The following AZGP1 variants were observed in gnomAD, a reference collection of about 807,000 sequenced individuals.
AZGP1 encodes zinc-alpha-2-glycoprotein.
In AZGP1, 28 loss-of-function variants were observed where a neutral mutation model predicts 31.5. That is an observed-to-expected ratio of 0.89 (90% CI 0.66 to 1.22). The LOEUF is 1.22. Among genes scored for constraint, AZGP1 ranks in the 50% most tolerant of loss-of-function variants. The pLI is 0.00. For synonymous variants in AZGP1, 135 were observed against 145.4 expected (o/e 0.93, Z 0.51); for missense variants, 361 against 371.8 (o/e 0.97, Z 0.24).
chr7:99,969,306 G>A (rs749536839), intron 2 of AZGP1, among the ~76,000 whole-genome samples: 3 of 152,070 alleles, frequency 2.0e-5, no homozygotes, highest in Admixed American at 6.6e-5. Context: ...CTACTCATGA[G>A]GCTGAGGCAG....
At chr7:99,971,460 T>A in intron 2 of AZGP1, 1 of 363,766 alleles carries the variant, frequency 2.7e-6, no homozygotes, top group Non-Finnish European at 5.0e-6. Context: ...CTCCGATGGG[T>A]GGGGTGTGGA....
chr7:99,967,109 G>C lies in AZGP1; in HGVS notation c.791C>G (p.Ser264Cys). The change falls in exon 4 of 4, where the codon TCC (serine) becomes TGC (cysteine). Residue 264 changes from serine (S) to cysteine (C), a missense_variant. Physicochemically the swap from Ser to Cys is moderately radical, Grantham distance 112. Coordinates refer to ENST00000292401, the MANE Select transcript of AZGP1 (RefSeq NM_001185.4). ...CGGGGGCACTGCCACCACCACCCAG[G>C]ACTGGTAAGTGCCATTTCCATTGTG... ...VLHNGNGTYQ[S>C]WVVVAVPPQD... 6.2e-7 allele frequency: 1 copy of C among 1,614,164 alleles called. No individual in the cohort carries two copies. The highest frequency in any genetic ancestry group is 8.5e-7 in the Non-Finnish European group (1 of 1,180,030).
At chr7:99,973,961 G>A (rs1011511125) in intron 1 of AZGP1, among the ~76,000 whole-genome samples, 1 of 135,580 alleles carries the variant, frequency 7.4e-6, no homozygotes, top group African/African-American at 2.8e-5. Context: ...AGCACAACAG[G>A]GTGACTATAG....
chr7:99,971,542 T>A (rs1183626903), intron 2 of AZGP1: 3 of 617,566 alleles, frequency 4.9e-6, no homozygotes. Context: ...AGGCCTGGGA[T>A]GAGGATGGGG....
chr7:99,972,871 A>G (rs1054675631), intron 1 of AZGP1, among the ~76,000 whole-genome samples: 2 of 152,160 alleles, frequency 1.3e-5, no homozygotes, highest in Non-Finnish European at 2.9e-5. Flanking sequence ...TAATCCCAGC[A>G]CTTTAGGGGG....
At chr7:99,970,207 T>C (rs1312288303) in intron 2 of AZGP1, among the ~76,000 whole-genome samples, 1 of 151,720 alleles carries the variant, frequency 6.6e-6, no homozygotes, top group Non-Finnish European at 1.5e-5. Flanking sequence ...AAGTAAGTGC[T>C]CAGTAAATGT....
At chr7:99,967,356 C>A in intron 3 of AZGP1, 70 bp from the exon 4 acceptor site, 1 of 1,517,270 alleles carries the variant, frequency 6.6e-7, no homozygotes, top group Non-Finnish European at 9.0e-7. Flanking sequence ...TCTTCCTACC[C>A]CCACCCCTGG....
intron 3 of AZGP1, 133 bp from the exon 4 acceptor site, chr7:99,967,419 G>A (rs976304792): frequency 1.2e-5 from 12 of 1,034,988 alleles, no homozygotes; most frequent in Admixed American, 8.6e-5. Context: ...CCCCAGCCCC[G>A]GGAGACTTTC....
intron 1 of AZGP1, among the ~76,000 whole-genome samples, chr7:99,972,545 G>A (rs1013002767): frequency 2.0e-5 from 3 of 152,212 alleles, no homozygotes; most frequent in Admixed American, 6.5e-5. Flanking sequence ...GGGCTCCGTG[G>A]CTCATGCCTG....
At chr7:99,967,518 C>T in intron 3 of AZGP1, 1 of 581,768 alleles carries the variant, frequency 1.7e-6, no homozygotes, top group Admixed American at 3.0e-5. Flanking sequence ...GTTGTGAATG[C>T]TCCGTGTGCT....
At position 99,968,303 on chromosome 7, in the gene AZGP1, G is replaced by C; in HGVS notation, c.465C>G (p.Val155=). ...IEFNKEIPAW[V]PFDPAAQITK... ...TTATCTGGGCTGCTGGGTCGAAGGG[G>C]ACCCAGGCTGGGATTTCTTTGTTGA... is the stretch of plus-strand genomic sequence containing the variant. Residue 155 remains valine, a synonymous_variant, in exon 3 of 4, where the codon GTC becomes GTG. Coordinates refer to ENST00000292401, the MANE Select transcript of AZGP1 (RefSeq NM_001185.4). The C allele has an allele frequency of 6.2e-7, 1 of 1,613,712 alleles. No homozygotes were observed. Among genetic ancestry groups the C allele is most frequent in the South Asian group, 1.1e-5 (1 of 91,040 alleles).
chr7:99,966,764 C>T lies in AZGP1; in HGVS notation c.*239G>A, dbSNP rs1207811559. 3.4e-6 allele frequency: 2 copies of T among 585,136 alleles called. No individual in the cohort carries two copies. The highest frequency in any genetic ancestry group is 5.7e-5 in the East Asian group (2 of 35,076). The allele number at this position is 585,136 out of a possible 1,614,324, so 36.2% of individuals were successfully genotyped here. A position where few individuals can be genotyped will look rare whatever the true frequency, so the allele number is the denominator to read the frequency against. On this transcript the variant is annotated 3_prime_UTR_variant, in exon 4 of 4. Transcript: ENST00000292401. ...AGGAGGGATGATTATTTATTAGCTT[C>T]TACAGATTAGACAATGGGGTGGGGG...
chr7:99,975,500 G>A (rs1789646553), intron 1 of AZGP1, among the ~76,000 whole-genome samples: 2 of 152,194 alleles, frequency 1.3e-5, no homozygotes, highest in South Asian at 2.1e-4. Context: ...TTGGGCACGG[G>A]TTTCCTTCTA....
intron 1 of AZGP1, among the ~76,000 whole-genome samples, chr7:99,973,869 T>C (rs576938503): frequency 6.7e-6 from 1 of 150,314 alleles, no homozygotes; most frequent in Admixed American, 6.7e-5. Context: ...TGAGCCAAGA[T>C]TGCACCACTG....
At chr7:99,974,855 G>A (rs1280111372) in intron 1 of AZGP1, among the ~76,000 whole-genome samples, 2 of 152,018 alleles carry the variant, frequency 1.3e-5, no homozygotes, top group African/African-American at 4.8e-5. Context: ...CTCCATAGTG[G>A]TGGGCTTCAT....
At chr7:99,968,539 C>G in intron 2 of AZGP1, 109 bp from the exon 3 acceptor site, 1 of 1,367,384 alleles carries the variant, frequency 7.3e-7, no homozygotes, top group East Asian at 2.3e-5. Context: ...AAGGTTTTTG[C>G]AATTCAAGCA....
At chr7:99,975,085 A>G (rs1165973474) in intron 1 of AZGP1, among the ~76,000 whole-genome samples, 3 of 152,112 alleles carry the variant, frequency 2.0e-5, no homozygotes, top group Non-Finnish European at 4.4e-5. Context: ...TTTTGTATAC[A>G]TATATGTAAA....
At chr7:99,975,917 G>T (rs2089878600) in intron 1 of AZGP1, 28 bp downstream of exon 1, 1 of 1,611,982 alleles carries the variant, frequency 6.2e-7, no homozygotes, top group African/African-American at 1.3e-5. Context: ...GTCCTCTCCA[G>T]CACCCATCCC....
intron 1 of AZGP1, among the ~76,000 whole-genome samples, chr7:99,975,317 T>A (rs1185977124): frequency 1.3e-5 from 2 of 152,164 alleles, no homozygotes; most frequent in African/African-American, 4.8e-5. Flanking sequence ...AATTTTAAAC[T>A]CACACAACTG....
Sources: allele counts gnomAD v4.1 joint callset (sites outside exome capture counted in the v4.1 genomes callset), GRCh38; gene constraint gnomAD v4.1.1; transcripts MANE v1.5; gene names NCBI Gene and HGNC (gene_info 2026-07-23, HGNC 2026-07-21).